CPHXL2: variants seen among roughly 807,000 people sequenced by gnomAD.
CPHXL2 encodes cytoplasmic polyadenylated homeobox like 2, also known as cytoplasmic polyadenylated homeobox-like protein 2.
chr16:75,673,748 G>A, the CPHXL2 span, among the ~76,000 whole-genome samples: 5 of 151,848 alleles, frequency 3.3e-5, no homozygotes, highest in African/African-American at 7.3e-5. Context: ...GAGGCCAAGC[G>A]GGGGCGAATG....
At chr16:75,676,999 T>C in the CPHXL2 span, 1 of 398,594 alleles carries the variant, frequency 2.5e-6, no homozygotes, top group Non-Finnish European at 4.4e-6. Context: ...TGGGAAGACA[T>C]GTCGAAACTC....
chr16:75,675,307 A>C, the CPHXL2 span, among the ~76,000 whole-genome samples: 8 of 151,520 alleles, frequency 5.3e-5, no homozygotes, highest in Non-Finnish European at 1.2e-4. Context: ...GGTGTGAGCC[A>C]CCGTGCCCAG....
At chr16:75,668,030 C>G in the CPHXL2 span, among the ~76,000 whole-genome samples, 1 of 152,104 alleles carries the variant, frequency 6.6e-6, no homozygotes, top group Non-Finnish European at 1.5e-5. Context: ...CAAGCTGGCC[C>G]AAACCACCGT....
the CPHXL2 span, among the ~76,000 whole-genome samples, chr16:75,662,893 G>C: frequency 4.6e-4 from 69 of 151,140 alleles, no homozygotes; most frequent in African/African-American, 1.6e-3. Context: ...CCGCCTCCCA[G>C]GTTCATGCTA....
the CPHXL2 span, chr16:75,669,300 G>C: frequency 7.8e-6 from 3 of 384,020 alleles, no homozygotes; most frequent in Non-Finnish European, 1.3e-5. Flanking sequence ...TGGGCGACTG[G>C]AGTGAGACCT....
chr16:75,669,688 CAAT>C, the CPHXL2 span: 1,339 of 394,472 alleles, frequency 3.4e-3, 15 homozygotes, highest in African/African-American at 0.025. Flanking sequence ...TAGCTACTCA[CAAT>C]AATAAAATTA....
chr16:75,664,111 T>G, the CPHXL2 span, among the ~76,000 whole-genome samples: 1 of 152,194 alleles, frequency 6.6e-6, no homozygotes, highest in Non-Finnish European at 1.5e-5. Flanking sequence ...TGGAAGCCCC[T>G]GCTTCCACTT....
the CPHXL2 span, among the ~76,000 whole-genome samples, chr16:75,663,822 C>T: frequency 7.0e-6 from 1 of 143,108 alleles, no homozygotes; most frequent in Non-Finnish European, 1.5e-5. Context: ...GGAGGCGGAG[C>T]TTACAGTGAG....
At chr16:75,669,378 C>T in the CPHXL2 span, 12 of 400,528 alleles carry the variant, frequency 3.0e-5, no homozygotes, top group Admixed American at 8.8e-5. Flanking sequence ...TCACGTTAAC[C>T]GGACAATCAA....
chr16:75,675,267 G>A, the CPHXL2 span, among the ~76,000 whole-genome samples: 6 of 150,912 alleles, frequency 4.0e-5, no homozygotes, highest in Middle Eastern at 3.4e-3. Flanking sequence ...TGATCTGCCC[G>A]ACTTGGCCTC....
At chr16:75,676,085 A>G in the CPHXL2 span, among the ~76,000 whole-genome samples, 59,263 of 151,918 alleles carry the variant, frequency 0.39, 12,762 homozygotes, top group African/African-American at 0.58. Flanking sequence ...GTCTCCAAAA[A>G]AAAAAAGAAA....
chr16:75,668,587 G>A, the CPHXL2 span, among the ~76,000 whole-genome samples: 5 of 152,114 alleles, frequency 3.3e-5, no homozygotes, highest in African/African-American at 1.2e-4. Flanking sequence ...TGGATACCAA[G>A]ATCTGAGGAT....
the CPHXL2 span, among the ~76,000 whole-genome samples, chr16:75,666,266 TTCC>T: frequency 2.8e-3 from 422 of 152,040 alleles, no homozygotes; most frequent in Non-Finnish European, 4.4e-3. Flanking sequence ...AAAGCTGGAG[TTCC>T]CAAATTTATA....
At chr16:75,668,278 G>C in the CPHXL2 span, among the ~76,000 whole-genome samples, 198 of 149,252 alleles carry the variant, frequency 1.3e-3, 1 homozygote, top group Middle Eastern at 0.014. Context: ...ACCCAGGCTG[G>C]AGTGCAGTGG....
chr16:75,666,134 T>G, the CPHXL2 span, among the ~76,000 whole-genome samples: 4 of 152,126 alleles, frequency 2.6e-5, no homozygotes, highest in Non-Finnish European at 4.4e-5. Context: ...AGTAGCTATT[T>G]TTTATCAGAC....
At chr16:75,667,537 A>G in the CPHXL2 span, among the ~76,000 whole-genome samples, 1 of 152,162 alleles carries the variant, frequency 6.6e-6, no homozygotes, top group Non-Finnish European at 1.5e-5. Context: ...AGTTCAATCA[A>G]TTTTTATAGT....
At chr16:75,668,638 A>C in the CPHXL2 span, among the ~76,000 whole-genome samples, 2 of 152,204 alleles carry the variant, frequency 1.3e-5, no homozygotes, top group Admixed American at 1.3e-4. Flanking sequence ...ATTTGCATAT[A>C]TGCTGGGCAT....
the CPHXL2 span, among the ~76,000 whole-genome samples, chr16:75,662,638 C>G: frequency 2.0e-4 from 30 of 151,924 alleles, no homozygotes; most frequent in Admixed American, 2.0e-3. Flanking sequence ...TTAGAATAAC[C>G]CTAGTTATTT....
At chr16:75,666,512 G>C in the CPHXL2 span, among the ~76,000 whole-genome samples, 1 of 151,208 alleles carries the variant, frequency 6.6e-6, no homozygotes, top group African/African-American at 2.4e-5. Flanking sequence ...GGAGGCTGAG[G>C]CAGGAGAATT....
Sources: allele counts gnomAD v4.1 joint callset (sites outside exome capture counted in the v4.1 genomes callset), GRCh38; gene constraint gnomAD v4.1.1; transcripts MANE v1.5; gene names NCBI Gene and HGNC (gene_info 2026-07-23, HGNC 2026-07-21).